HSPG2: variants seen among roughly 807,000 people sequenced by gnomAD.
HSPG2 encodes the protein heparan sulfate proteoglycan 2.
HSPG2 carries 278 observed loss-of-function variants against 526.6 expected under a neutral mutation model. The ratio of observed to expected loss-of-function variants is 0.53; its 90% CI spans 0.48 to 0.58. The LOEUF is 0.58. Ranked by LOEUF, HSPG2 falls within the 20% of genes least tolerant of loss-of-function variation. The pLI is 0.00. For missense variants in HSPG2, 5,354 were observed against 6,099.5 expected (o/e 0.88, Z 4.07); for synonymous variants, 2,465 against 2,555.4 (o/e 0.96, Z 1.07).
In HSPG2 at chr1:21,878,180, G is replaced by A. The variant is rs189296705; in HGVS notation, c.2685+6C>T. ...CCCCTGGGTGGGTGGCAGATGGCAC[G>A]CGTACCTTACAGCGGCAGGCCTCCC... On this transcript the variant is annotated splice_donor_region_variant and intron_variant, in intron 21 of 96. Transcript: ENST00000374695. The A allele has an allele frequency of 2.1e-4, 340 of 1,613,316 alleles. 2 individuals carry two copies. The highest frequency in any genetic ancestry group is 2.2e-4 in the Admixed American group (13 of 60,004).
chr1:21,923,792 G>A (rs753588767), intron 1 of HSPG2, among the ~76,000 whole-genome samples: 1 of 141,516 alleles, frequency 7.1e-6, no homozygotes, highest in South Asian at 2.3e-4. Flanking sequence ...ATAAGCCCAC[G>A]GTGGTGTTTA....
chr1:21,931,868 G>A (rs2152805618), intron 1 of HSPG2, among the ~76,000 whole-genome samples: 1 of 152,286 alleles, frequency 6.6e-6, no homozygotes. Context: ...GCTCCACACA[G>A]GACAACCAGG....
At chr1:21,855,995 T>G in intron 44 of HSPG2, 83 bp from the exon 45 acceptor site, 1 of 1,561,376 alleles carries the variant, frequency 6.4e-7, no homozygotes, top group Non-Finnish European at 8.7e-7. Context: ...CTACTTTCTC[T>G]GCTTCCAGGC....
In HSPG2 at chr1:21,822,405, G is replaced by T. The variant is rs1173615953; in HGVS notation, c.*911C>A. On this transcript the variant is annotated 3_prime_UTR_variant, in exon 97 of 97. Coordinates refer to ENST00000374695, the MANE Select transcript of HSPG2 (RefSeq NM_005529.7). Reference sequence around the variant, plus strand: ...AGGCTCCTGCAGATGGGGCAGGGTGGTCATATCCCCCTCCTCTCTCTCTCA... The same window carrying T: ...AGGCTCCTGCAGATGGGGCAGGGTGTTCATATCCCCCTCCTCTCTCTCTCA... 1.6e-6 allele frequency: 1 copy of T among 619,868 alleles called. No homozygotes were observed. 38.4% of individuals were successfully genotyped at this position (619,868 alleles called of 1,614,324 possible). A position where few individuals can be genotyped will look rare whatever the true frequency, so the allele number is the denominator to read the frequency against.
At chr1:21,906,730 G>GT (rs35359041) in intron 1 of HSPG2, among the ~76,000 whole-genome samples, 51,589 of 143,324 alleles carry the variant, frequency 0.36, 9,197 homozygotes, top group East Asian at 0.45. Flanking sequence ...GGACTGGGGG[G>GT]TGGGGGGGGG....
At chr1:21,879,175 GC>G in intron 17 of HSPG2, 54 bp from the exon 18 acceptor site, 2 of 1,609,312 alleles carry the variant, frequency 1.2e-6, no homozygotes, top group Non-Finnish European at 1.7e-6. Context: ...TGGGCCAGAT[GC>G]TGCGGGGGAC....
At position 21,887,598 on chromosome 1, in the gene HSPG2, T is replaced by A. The variant is rs767835991; in HGVS notation, c.780A>T (p.Thr260=). 8.7e-6 allele frequency: 14 copies of A among 1,614,020 alleles called. No individual in the cohort carries two copies. In the South Asian group the frequency reaches 1.5e-4, roughly 18 times the overall value. Residue 260 remains threonine (T), a synonymous_variant, in exon 8 of 97, where the codon ACA becomes ACT. Coordinates refer to ENST00000374695, the MANE Select transcript of HSPG2 (RefSeq NM_005529.7). The surrounding 1 kb of genome is among the most constrained non-coding windows in gnomAD (Gnocchi z 5.0). ...ETTSLPPRPE[T]TIMRQPPVTH... ...TGACTGGTGGCTGTCGCATGATGGT[T>A]GTCTCTGGCCGGGGCGGTAAAGATG...
At chr1:21,918,947 T>A (rs534969562) in intron 1 of HSPG2, among the ~76,000 whole-genome samples, 1 of 152,188 alleles carries the variant, frequency 6.6e-6, no homozygotes, top group Admixed American at 6.5e-5. Flanking sequence ...ACTGGGCTCC[T>A]CCCCCTCTCC....
intron 1 of HSPG2, among the ~76,000 whole-genome samples, chr1:21,928,181 T>C (rs1308491109): frequency 1.3e-5 from 2 of 152,212 alleles, no homozygotes; most frequent in Non-Finnish European, 2.9e-5. Flanking sequence ...GGCAGGGCCT[T>C]TTGAGCCCAC....
At chr1:21,888,378 G>A (rs979873717) in intron 6 of HSPG2, among the ~76,000 whole-genome samples, 7 of 152,266 alleles carry the variant, frequency 4.6e-5, no homozygotes, top group African/African-American at 1.7e-4. Flanking sequence ...AAGGAGGGGA[G>A]AAGGGAGTGC....
Position 21,823,240 on chromosome 1 carries a change from A to G in HSPG2, c.*76T>C. On this transcript the variant is annotated 3_prime_UTR_variant, in exon 97 of 97. Coordinates refer to ENST00000374695, the MANE Select transcript of HSPG2 (RefSeq NM_005529.7). ...CCTCGGTTTCTTACAAAAATTCATA[A>G]TAATATTAATAATAATATACTCGAC... The G allele has an allele frequency of 2.3e-6, 3 of 1,278,242 alleles. No homozygotes were observed. Among genetic ancestry groups the G allele is most frequent in the East Asian group, 2.7e-5 (1 of 37,482 alleles). The allele number at this position is 1,278,242 out of a possible 1,614,324, so 79.2% of individuals were successfully genotyped here.
chr1:21,831,791 T>C lies in HSPG2; in HGVS notation c.11213A>G (p.Asp3738Gly). Residue 3738 changes from aspartate (D) to glycine (G), a missense_variant, in exon 82 of 97, where the codon GAT becomes GGT. Asp to Gly is a moderately conservative substitution (Grantham distance 94). Transcript: ENST00000374695. The part of the protein sequence containing the change: ...LVGGRPEFRF[D>G]AGSGMATIRH... ...GATGGTGGCCATGCCTGAGCCTGCA[T>C]CGAACCTGCTCCGTGGGGCAGGCCG... 1 of 1,598,424 alleles carries C rather than the reference T, an allele frequency of 6.3e-7. No individual in the cohort carries two copies. Among genetic ancestry groups the C allele is most frequent in the South Asian group, 1.1e-5 (1 of 89,144 alleles).
At chr1:21,924,090 C>T (rs1644118787) in intron 1 of HSPG2, among the ~76,000 whole-genome samples, 1 of 152,188 alleles carries the variant, frequency 6.6e-6, no homozygotes, top group South Asian at 2.1e-4. Flanking sequence ...ACAGGACAGG[C>T]TTCAAGGTCT....
chr1:21,845,046 G>T (rs1638319744), intron 64 of HSPG2, among the ~76,000 whole-genome samples: 1 of 152,178 alleles, frequency 6.6e-6, no homozygotes, highest in African/African-American at 2.4e-5. Context: ...AGGAGTTCGA[G>T]ACCAGCCTGA....
chr1:21,870,010 A>G (rs964636741), intron 33 of HSPG2, among the ~76,000 whole-genome samples: 2 of 152,196 alleles, frequency 1.3e-5, no homozygotes, highest in Non-Finnish European at 2.9e-5. Context: ...TGCCCTGGCA[A>G]CAGCCCAAGC....
rs775580297 is a variant in HSPG2, at chr1:21,896,265, C to T, written c.109G>A (p.Asp37Asn). ...RAYDGLSLPE[D>N]IETVTASQMR... ...TGGCTTGCTGTGACGGTCTCTATGT[C>T]CTCAGGCAGAGACAAGCCATCGTAT... The change falls in exon 2 of 97, where the codon GAC (aspartate) becomes AAC (asparagine). Residue 37 changes from aspartate to asparagine, a missense_variant. Asp to Asn is a conservative substitution (Grantham distance 23). Coordinates refer to ENST00000374695, the MANE Select transcript of HSPG2 (RefSeq NM_005529.7). 1 of 1,613,894 alleles carries T rather than the reference C, an allele frequency of 6.2e-7. No homozygotes were observed. Among genetic ancestry groups the T allele is most frequent in the South Asian group, 1.1e-5 (1 of 91,076 alleles).
rs538263312 is a variant in HSPG2 at position 21,841,111 on chromosome 1, G to C, written c.9503C>G (p.Ala3168Gly). Reference protein sequence around the residue: ...QRTYGLMDSHAVLQISSAKPS... With the variant: ...QRTYGLMDSHGVLQISSAKPS... ...CAGCCCCGGCTTCACCTGCAGCACCGCGTGGCTGTCCATGAGCCCATATGT... is the reference window on the plus strand; with the variant it reads ...CAGCCCCGGCTTCACCTGCAGCACCCCGTGGCTGTCCATGAGCCCATATGT... Residue 3168 changes from alanine to glycine, a missense_variant, in exon 71 of 97, where the codon GCG becomes GGG. Ala to Gly is a moderately conservative substitution (Grantham distance 60). Transcript: ENST00000374695. The C allele has an allele frequency of 2.2e-4, 348 of 1,607,960 alleles. No individual in the cohort carries two copies. Among genetic ancestry groups the C allele is most frequent in the Non-Finnish European group, 2.9e-4 (338 of 1,177,772 alleles).
At chr1:21,826,206 ACC>A in intron 91 of HSPG2, among the ~76,000 whole-genome samples, 1 of 152,068 alleles carries the variant, frequency 6.6e-6, no homozygotes, top group African/African-American at 2.4e-5. Flanking sequence ...CTCAGCTGGG[ACC>A]ATAGCCATGT....
intron 1 of HSPG2, 32 bp from the exon 2 acceptor site, chr1:21,896,342 C>A: frequency 6.2e-7 from 1 of 1,608,420 alleles, no homozygotes. Context: ...TTGAGTCACT[C>A]TCTCCAGCTC....
Sources: gnomAD v4.1 joint callset for allele counts (sites outside exome capture counted in the v4.1 genomes callset) on GRCh38, gnomAD v4.1.1 for gene constraint, Gnocchi (gnomAD v3.1) non-coding constraint, MANE v1.5 for transcripts, NCBI Gene and HGNC (gene_info 2026-07-23, HGNC 2026-07-21) for gene names.